SYTL5: variants seen among roughly 807,000 people sequenced by gnomAD.
The protein encoded by SYTL5 is synaptotagmin-like protein 5.
SYTL5 carries 34 observed loss-of-function variants against 55.9 expected under a neutral mutation model. That is an observed-to-expected ratio of 0.61 (90% CI 0.46 to 0.81). The LOEUF is 0.81. Among genes scored for constraint, SYTL5 ranks in the 30% least tolerant of loss-of-function variants. The pLI is 0.00. For missense variants in SYTL5, 637 were observed against 546.7 expected, an observed-to-expected ratio of 1.17 and a Z score of -1.65; for synonymous variants, 221 against 188.7, an observed-to-expected ratio of 1.17 and a Z score of -1.40.
At chrX:37,892,531 T>C in the SYTL5 span, among the ~76,000 whole-genome samples, 2 of 98,650 alleles carry the variant, frequency 2.0e-5, no homozygotes, top group Admixed American at 1.2e-4. Flanking sequence ...ACATATATAG[T>C]ATATGTATAT....
intron 1 of SYTL5, among the ~76,000 whole-genome samples, chrX:38,031,261 A>G (rs954207173): frequency 1.2e-4 from 14 of 112,120 alleles, no homozygotes; most frequent in African/African-American, 4.5e-4. Flanking sequence ...ACCAGTTACG[A>G]TAATATTAGT....
At chrX:38,068,813 C>T (rs1420549601) in intron 3 of SYTL5, among the ~76,000 whole-genome samples, 1 of 110,818 alleles carries the variant, frequency 9.0e-6, no homozygotes, top group Non-Finnish European at 1.9e-5. Flanking sequence ...CTATTGGATA[C>T]TATGTTCAGT....
intron 9 of SYTL5, among the ~76,000 whole-genome samples, chrX:38,101,642 T>C (rs1569186735): frequency 9.1e-6 from 1 of 109,603 alleles, no homozygotes; most frequent in Non-Finnish European, 1.9e-5. Context: ...TCTATGTGTA[T>C]ATATGTATGT....
At chrX:37,944,290 AT>A in the SYTL5 span, among the ~76,000 whole-genome samples, 559 of 106,213 alleles carry the variant, frequency 5.3e-3, 3 homozygotes, top group East Asian at 0.014. Flanking sequence ...GTTGAAAAAG[AT>A]TTTTTTTTTT....
the SYTL5 span, among the ~76,000 whole-genome samples, chrX:37,966,640 A>G: frequency 1.8e-5 from 2 of 109,558 alleles, no homozygotes; most frequent in African/African-American, 6.6e-5. Flanking sequence ...GTTTCACCAT[A>G]TTGGCCAGCC....
chrX:37,929,422 A>T, the SYTL5 span, among the ~76,000 whole-genome samples: 1 of 112,281 alleles, frequency 8.9e-6, no homozygotes, highest in South Asian at 3.7e-4. Flanking sequence ...ATCTTTCCAG[A>T]TTAGTGTTTA....
At chrX:37,925,021 C>A in the SYTL5 span, among the ~76,000 whole-genome samples, 11 of 110,028 alleles carry the variant, frequency 1.0e-4, no homozygotes, top group African/African-American at 3.6e-4. Flanking sequence ...TCTCATTCCC[C>A]CTCCCCCTAC....
chrX:37,960,355 C>G, the SYTL5 span, among the ~76,000 whole-genome samples: 1 of 79,218 alleles, frequency 1.3e-5, no homozygotes, highest in South Asian at 9.1e-4. Context: ...CTCTTCAAAT[C>G]ATCTCTTTCC....
At chrX:37,943,171 A>G in the SYTL5 span, among the ~76,000 whole-genome samples, 1 of 112,254 alleles carries the variant, frequency 8.9e-6, no homozygotes. Flanking sequence ...TTCTCACTAC[A>G]TTTGTTAAAG....
At chrX:37,991,962 T>C in the SYTL5 span, among the ~76,000 whole-genome samples, 1 of 112,439 alleles carries the variant, frequency 8.9e-6, no homozygotes, top group African/African-American at 3.2e-5. Flanking sequence ...AAAGAATATA[T>C]AAAATTTATG....
the SYTL5 span, among the ~76,000 whole-genome samples, chrX:37,969,242 T>G: frequency 1.8e-5 from 2 of 111,774 alleles, no homozygotes; most frequent in African/African-American, 6.5e-5. Flanking sequence ...AAATTTCTAA[T>G]GGGGGAAAAA....
chrX:38,047,350 G>A (rs1431738933), intron 2 of SYTL5, among the ~76,000 whole-genome samples: 2 of 112,941 alleles, frequency 1.8e-5, no homozygotes, highest in Non-Finnish European at 3.7e-5. Flanking sequence ...CCCAATTCTT[G>A]ACTTCTGTGC....
At chrX:38,099,515 T>C (rs1937028892) in intron 9 of SYTL5, among the ~76,000 whole-genome samples, 1 of 111,514 alleles carries the variant, frequency 9.0e-6, no homozygotes. Context: ...TATAAAATCA[T>C]GTCATCTGCA....
chrX:38,027,788 T>C (rs12556771), intron 1 of SYTL5, among the ~76,000 whole-genome samples: 2 of 109,309 alleles, frequency 1.8e-5, no homozygotes, highest in Admixed American at 2.0e-4. Context: ...CAGCCATGGG[T>C]TTATATCCTC....
intron 3 of SYTL5, among the ~76,000 whole-genome samples, chrX:38,066,444 A>G (rs1602361392): frequency 8.9e-6 from 1 of 111,886 alleles, no homozygotes; most frequent in East Asian, 2.8e-4. Flanking sequence ...TTATTCACAA[A>G]TAAGTATAGC....
chrX:38,067,992 C>A (rs1272436728), intron 3 of SYTL5, among the ~76,000 whole-genome samples: 3 of 111,708 alleles, frequency 2.7e-5, no homozygotes, highest in African/African-American at 9.8e-5. Context: ...ACAGAGCAAA[C>A]AGACAACCCA....
At chrX:37,921,099 G>T in the SYTL5 span, among the ~76,000 whole-genome samples, 2 of 111,154 alleles carry the variant, frequency 1.8e-5, no homozygotes, top group Admixed American at 9.6e-5. Context: ...TGATCTACTC[G>T]CTTGACTGAT....
the SYTL5 span, chrX:37,946,664 T>C: frequency 3.2e-4 from 40 of 123,813 alleles, no homozygotes; most frequent in East Asian, 7.6e-3. Flanking sequence ...CACATAAACT[T>C]CATCAGAAAG....
chrX:37,929,224 G>A, the SYTL5 span, among the ~76,000 whole-genome samples: 3 of 111,520 alleles, frequency 2.7e-5, no homozygotes, highest in African/African-American at 9.8e-5. Context: ...TTCCTTAAAG[G>A]GAGTGTGTTG....
Sources: allele counts gnomAD v4.1 joint callset (sites outside exome capture counted in the v4.1 genomes callset), GRCh38; gene constraint gnomAD v4.1.1; transcripts MANE v1.5; gene names NCBI Gene and HGNC (gene_info 2026-07-23, HGNC 2026-07-21).